MERTK: variants seen among roughly 807,000 people sequenced by gnomAD.
MERTK encodes tyrosine-protein kinase Mer.
In MERTK, 69 loss-of-function variants were observed where a neutral mutation model predicts 99.3. The observed-to-expected ratio is 0.70, with a 90% CI of 0.57 to 0.85. MERTK has a LOEUF of 0.85. Ranked by LOEUF, MERTK falls within the 40% of genes least tolerant of loss-of-function variation. The pLI is 0.00. For synonymous variants in MERTK, 426 were observed against 467.6 expected, an observed-to-expected ratio of 0.91 and a Z score of 1.15; for missense variants, 1,125 against 1,249.4, an observed-to-expected ratio of 0.90 and a Z score of 1.50.
chr2:111,997,556 G>A, intron 10 of MERTK, 80 bp downstream of exon 10: 1 of 1,526,258 alleles, frequency 6.6e-7, no homozygotes, highest in South Asian at 1.1e-5. Flanking sequence ...TTCCTGTTGG[G>A]CCAGCTGCTT....
intron 7 of MERTK, among the ~76,000 whole-genome samples, chr2:111,982,011 C>T (rs1331632947): frequency 6.6e-6 from 1 of 151,806 alleles, no homozygotes; most frequent in Non-Finnish European, 1.5e-5. Context: ...CCTACCTTCC[C>T]TGCCTTCTTC....
chr2:111,957,807 C>G (rs1001220168), intron 4 of MERTK, among the ~76,000 whole-genome samples: 18 of 152,058 alleles, frequency 1.2e-4, no homozygotes, highest in Admixed American at 5.9e-4. Flanking sequence ...TTGTTGCTTC[C>G]TTTGGTAGAA....
chr2:111,911,031 C>T (rs556125764), intron 1 of MERTK, among the ~76,000 whole-genome samples: 1 of 152,124 alleles, frequency 6.6e-6, no homozygotes, highest in African/African-American at 2.4e-5. Context: ...TAACTCAATA[C>T]GAAGCCCTAT....
chr2:111,898,663 C>T lies in MERTK; in HGVS notation c.-73C>T. On this transcript the variant is annotated 5_prime_UTR_variant, in exon 1 of 19. Transcript: ENST00000295408. ...AGGGAGCTTCGCTGGCGCGCTTGGCCGGCGACAGGACAGGTTCGGGACGTC... is the reference window on the plus strand; with the variant it reads ...AGGGAGCTTCGCTGGCGCGCTTGGCTGGCGACAGGACAGGTTCGGGACGTC... 2 of 1,537,784 alleles carry T rather than the reference C, an allele frequency of 1.3e-6. No individual in the cohort carries two copies. Among genetic ancestry groups the T allele is most frequent in the Non-Finnish European group, 1.8e-6 (2 of 1,131,800 alleles).
Position 111,977,262 on chromosome 2 carries a change from A to G in MERTK, c.1144+1790A>G, listed in dbSNP as rs894090782. Among the ~76,000 whole-genome samples, 6 of 152,050 alleles carry G rather than the reference A, an allele frequency of 3.9e-5. No homozygotes were observed. In the East Asian group the frequency reaches 9.6e-4, roughly 24 times the overall value. On this transcript the variant is annotated intron_variant, in intron 7 of 18. Transcript: ENST00000295408. ...GGAAAAATATTTATTTTACTTTTGA[A>G]GTGTTCTTATTTTTATTTTTAGCCT...
chr2:111,971,579 G>A (rs1676120412), intron 6 of MERTK, among the ~76,000 whole-genome samples: 1 of 152,116 alleles, frequency 6.6e-6, no homozygotes, highest in Admixed American at 6.5e-5. Context: ...TTATTTAGAA[G>A]TGTGTATTTA....
At chr2:112,004,994 A>G (rs115344163) in intron 13 of MERTK, among the ~76,000 whole-genome samples, 1 of 152,196 alleles carries the variant, frequency 6.6e-6, no homozygotes, top group Admixed American at 6.5e-5. Flanking sequence ...AACAAATTAC[A>G]GTGTTGACAA....
At chr2:111,931,658 C>T (rs1436119931) in intron 2 of MERTK, among the ~76,000 whole-genome samples, 1 of 151,464 alleles carries the variant, frequency 6.6e-6, no homozygotes, top group South Asian at 2.1e-4. Context: ...TGCACTCCAG[C>T]CTGGCAACAG....
chr2:111,936,533 A>C (rs1221536983), intron 2 of MERTK, among the ~76,000 whole-genome samples: 1 of 152,176 alleles, frequency 6.6e-6, no homozygotes, highest in African/African-American at 2.4e-5. Context: ...TGCTTGTTTT[A>C]TGCTAATAAT....
chr2:112,019,670 G>T, intron 16 of MERTK, 148 bp downstream of exon 16: 1 of 728,316 alleles, frequency 1.4e-6, no homozygotes. Flanking sequence ...ATGGAAATAT[G>T]GCTGGGTGTT....
At chr2:111,992,966 A>T (rs7588459) in intron 8 of MERTK, among the ~76,000 whole-genome samples, 93,849 of 151,726 alleles carry the variant, frequency 0.62, 29,398 homozygotes, top group Middle Eastern at 0.69. Context: ...GGCTGAGCCC[A>T]CACCCTGTGG....
chr2:112,010,114 G>A (rs745628492), intron 15 of MERTK, 48 bp downstream of exon 15: 1 of 1,349,334 alleles, frequency 7.4e-7, no homozygotes, highest in Non-Finnish European at 1.1e-6. Context: ...GGGCTTATGT[G>A]ACTTAGCCAG....
Position 112,028,929 on chromosome 2 carries a change from T to C in MERTK, c.*65T>C. On this transcript the variant is annotated 3_prime_UTR_variant, in exon 19 of 19. Coordinates refer to ENST00000295408, the MANE Select transcript of MERTK (RefSeq NM_006343.3). Reference sequence around the variant, plus strand: ...CTTCTGCTGTAGGAGAATCCAATTGTACCTGATGTTTTTGGTATTTGTCTT... The same window carrying C: ...CTTCTGCTGTAGGAGAATCCAATTGCACCTGATGTTTTTGGTATTTGTCTT... 2 of 1,607,334 alleles carry C rather than the reference T, an allele frequency of 1.2e-6. No homozygotes were observed. The highest frequency in any genetic ancestry group is 1.7e-6 in the Non-Finnish European group (2 of 1,177,672).
intron 8 of MERTK, among the ~76,000 whole-genome samples, chr2:111,993,664 T>C (rs534692825): frequency 2.6e-5 from 4 of 152,312 alleles, no homozygotes; most frequent in Admixed American, 6.5e-5. Context: ...TTTTTCCCCT[T>C]TATTTGAATG....
rs938569565 is a variant in MERTK at position 112,029,101 on chromosome 2, A to G, written c.*237A>G. ...GACAAGGATATTTTAATAAAACATT[A>G]CTTATTTCATTTCACTTATCTTGCA... On this transcript the variant is annotated 3_prime_UTR_variant, in exon 19 of 19. Transcript: ENST00000295408. 4 of 1,214,974 alleles carry G rather than the reference A, an allele frequency of 3.3e-6. No individual in the cohort carries two copies. The highest frequency in any genetic ancestry group is 4.1e-6 in the Non-Finnish European group (4 of 968,662). The allele number at this position is 1,214,974 out of a possible 1,614,324, so 75.3% of individuals were successfully genotyped here.
intron 3 of MERTK, among the ~76,000 whole-genome samples, chr2:111,946,049 A>T (rs1248629359): frequency 6.6e-6 from 1 of 152,124 alleles, no homozygotes; most frequent in Non-Finnish European, 1.5e-5. Context: ...ATGCCCACCA[A>T]TGTGGAGGGA....
At chr2:111,946,551 C>G (rs1392609464) in intron 3 of MERTK, among the ~76,000 whole-genome samples, 1 of 152,140 alleles carries the variant, frequency 6.6e-6, no homozygotes, top group Non-Finnish European at 1.5e-5. Flanking sequence ...AGGATTGTAA[C>G]TGCAACTGTG....
chr2:111,994,495 A>T, intron 9 of MERTK, 91 bp downstream of exon 9: 3 of 1,541,524 alleles, frequency 1.9e-6, no homozygotes, highest in South Asian at 2.2e-5. Flanking sequence ...TGGATGGCTG[A>T]TTAAAGAATG....
In MERTK at chr2:111,970,088, A is replaced by G. The variant is rs148827195; in HGVS notation, c.960+1836A>G. ...GTTAGGAATTCTTACTGCATCTACA[A>G]TTCCTCACCAGGAATGGTCTTTTTT... On this transcript the variant is annotated intron_variant, in intron 6 of 18. Transcript: ENST00000295408. Among the ~76,000 whole-genome samples, 963 of 151,342 alleles carry G rather than the reference A, an allele frequency of 6.4e-3. 11 individuals are homozygous for G. The highest frequency in any genetic ancestry group is 0.023 in the African/African-American group (928 of 41,222).
Sources: gnomAD v4.1 joint callset for allele counts (sites outside exome capture counted in the v4.1 genomes callset) on GRCh38, gnomAD v4.1.1 for gene constraint, MANE v1.5 for transcripts, NCBI Gene and HGNC (gene_info 2026-07-23, HGNC 2026-07-21) for gene names.